The following RNF216 variants were observed in gnomAD, a reference collection of about 807,000 sequenced individuals.
RNF216 encodes the protein E3 ubiquitin-protein ligase RNF216.
A neutral mutation model predicts 110.8 loss-of-function variants in RNF216; 72 were observed. That is an observed-to-expected ratio of 0.65 (90% confidence interval 0.54 to 0.79). The LOEUF is 0.79. Ranked by LOEUF, RNF216 falls within the 30% of genes least tolerant of loss-of-function variation. RNF216 has a pLI of 0.00. For missense variants in RNF216, 1,342 were observed against 1,141.2 expected (o/e 1.18, Z -2.54); for synonymous variants, 495 against 407.5 (o/e 1.21, Z -2.59).
Position 5,680,944 on chromosome 7 carries a change from G to T in RNF216, c.2062-28434C>A, listed in dbSNP as rs1260930800. Among the ~76,000 whole-genome samples, 1 of 152,080 alleles carries T rather than the reference G, an allele frequency of 6.6e-6. No homozygotes were observed. Among genetic ancestry groups the T allele is most frequent in the Admixed American group, 6.5e-5 (1 of 15,276 alleles). On this transcript the variant is annotated intron_variant, in intron 13 of 16. Coordinates refer to ENST00000389902, the MANE Select transcript of RNF216 (RefSeq NM_207111.4). The surrounding 1 kb of genome is among the most constrained non-coding windows in gnomAD (Gnocchi z 4.3). ...CTATCTGGGTCCAAAACCCAGCCTAGATCCCCTCTGGCTGGGCCATGGCGG... is the reference window on the plus strand; with the variant it reads ...CTATCTGGGTCCAAAACCCAGCCTATATCCCCTCTGGCTGGGCCATGGCGG...
chr7:5,670,318 T>C (rs1039688674), intron 13 of RNF216, among the ~76,000 whole-genome samples: 1 of 152,162 alleles, frequency 6.6e-6, no homozygotes, highest in Non-Finnish European at 1.5e-5. Flanking sequence ...AGATGACACA[T>C]GCCTGACCAC....
chr7:5,756,800 T>G (rs1489580053), intron 2 of RNF216, among the ~76,000 whole-genome samples: 1 of 152,076 alleles, frequency 6.6e-6, no homozygotes, highest in Non-Finnish European at 1.5e-5. Flanking sequence ...GCTAAATTTT[T>G]TATATTTAAT....
At chr7:5,669,099 G>C (rs761349870) in intron 13 of RNF216, among the ~76,000 whole-genome samples, 4 of 152,176 alleles carry the variant, frequency 2.6e-5, no homozygotes, top group Non-Finnish European at 5.9e-5. Context: ...CCCCTTGGTG[G>C]AAACTATCCC....
chr7:5,665,151 GA>G (rs1789426101), intron 13 of RNF216, among the ~76,000 whole-genome samples: 1 of 152,132 alleles, frequency 6.6e-6, no homozygotes, highest in South Asian at 2.1e-4. Context: ...GTAATGATCT[GA>G]TTATGTCACA....
chr7:5,750,728 C>G lies in RNF216; in HGVS notation c.201+2118G>C, dbSNP rs193247281. On this transcript the variant is annotated intron_variant, in intron 3 of 16. Coordinates refer to ENST00000389902, the MANE Select transcript of RNF216 (RefSeq NM_207111.4). ...AAACCACATTGGAGCAAGACTCCCC[C>G]TCATAAATGTGAGACTCTTACTCTC... Among the ~76,000 whole-genome samples the G allele has an allele frequency of 3.6e-3, 541 of 152,334 alleles. 3 individuals are homozygous for G. The highest frequency in any genetic ancestry group is 4.5e-3 in the Non-Finnish European group (309 of 68,034).
At position 5,741,201 on chromosome 7, in the gene RNF216, G is replaced by A. The variant is rs75148631; in HGVS notation, c.816C>T (p.Pro272=). 2.8e-3 allele frequency: 4,465 copies of A among 1,614,076 alleles called. 82 individuals carry two copies. The African/African-American group carries it at 0.051, about 18-fold the overall frequency. ...GCTGGGGTTCCGGCCTTGGAAAAGC[G>A]GGCCCTGGGAATTCATGCTGAAACA... ...RLLFQHEFPG[P]AFPRPEPQQG... Residue 272 remains proline (P), a synonymous_variant, in exon 4 of 17, where the codon CCC becomes CCT. Transcript: ENST00000389902.
intron 13 of RNF216, among the ~76,000 whole-genome samples, chr7:5,697,197 AT>A (rs1791684513): frequency 6.7e-6 from 1 of 149,398 alleles, no homozygotes; most frequent in African/African-American, 2.6e-5. Flanking sequence ...ATCTCCGCCA[AT>A]AAGACCCCAC....
chr7:5,741,057 A>G lies in RNF216; in HGVS notation c.960T>C (p.Ser320=). 1 of 1,614,012 alleles carries G rather than the reference A, an allele frequency of 6.2e-7. No homozygotes were observed. Among genetic ancestry groups the G allele is most frequent in the Non-Finnish European group, 8.5e-7 (1 of 1,180,012 alleles). The change falls in exon 4 of 17, where the codon TCT becomes TCC. Residue 320 remains serine (S), a synonymous_variant. Transcript: ENST00000389902. ...AAATGTTTTCCAAATTGGGCTCTTG[A>G]GATTCTTGCATTGGAAAGGCTGGAC... is the stretch of plus-strand genomic sequence containing the variant. ...EPGPAFPMQE[S]QEPNLENIWG...
chr7:5,759,052 C>T (rs1435116243), intron 2 of RNF216, among the ~76,000 whole-genome samples: 1 of 152,088 alleles, frequency 6.6e-6, no homozygotes, highest in African/African-American at 2.4e-5. Context: ...TGATTTAGCA[C>T]AATCCGTTCT....
chr7:5,653,456 C>G (rs1280408539), intron 13 of RNF216, among the ~76,000 whole-genome samples: 4 of 151,624 alleles, frequency 2.6e-5, no homozygotes, highest in African/African-American at 9.7e-5. Flanking sequence ...AAAAAATTAG[C>G]TGGGCGTGGT....
intron 13 of RNF216, among the ~76,000 whole-genome samples, chr7:5,684,210 C>T (rs1446567795): frequency 1.4e-5 from 2 of 146,984 alleles, no homozygotes; most frequent in Non-Finnish European, 3.0e-5. Context: ...TCACGCCATT[C>T]TCCCACCTCA....
intron 13 of RNF216, among the ~76,000 whole-genome samples, chr7:5,654,331 G>T (rs1197842408): frequency 3.9e-5 from 6 of 151,992 alleles, no homozygotes; most frequent in Non-Finnish European, 8.8e-5. Flanking sequence ...GAGAAAAATG[G>T]AACAGAATGC....
intron 1 of RNF216, among the ~76,000 whole-genome samples, chr7:5,771,712 TC>T (rs1181944602): frequency 6.6e-6 from 1 of 151,944 alleles, no homozygotes; most frequent in Non-Finnish European, 1.5e-5. Flanking sequence ...TGGGAAGATC[TC>T]TTGAGCTCGA....
chr7:5,630,285 G>A (rs1392828275), intron 15 of RNF216, among the ~76,000 whole-genome samples: 1 of 152,132 alleles, frequency 6.6e-6, no homozygotes, highest in African/African-American at 2.4e-5. Flanking sequence ...TGGGGCTCCA[G>A]ACCTGGCTTG....
chr7:5,663,012 A>G (rs1789250900), intron 13 of RNF216, among the ~76,000 whole-genome samples: 1 of 152,108 alleles, frequency 6.6e-6, no homozygotes, highest in Non-Finnish European at 1.5e-5. Context: ...TTGCCTAAGA[A>G]TATCTCTTCT....
chr7:5,687,293 G>A (rs565989295), intron 13 of RNF216, among the ~76,000 whole-genome samples: 145 of 151,164 alleles, frequency 9.6e-4, no homozygotes, highest in Non-Finnish European at 1.8e-3. Flanking sequence ...CTACTTGGGA[G>A]GCTGAGGAGG....
intron 3 of RNF216, among the ~76,000 whole-genome samples, chr7:5,747,825 C>A (rs906748271): frequency 6.0e-5 from 9 of 148,908 alleles, no homozygotes; most frequent in African/African-American, 2.2e-4. Flanking sequence ...AGGTCCCAGG[C>A]TGAAGTATAG....
intron 2 of RNF216, among the ~76,000 whole-genome samples, chr7:5,754,529 C>G (rs114788435): frequency 4.0e-4 from 61 of 152,022 alleles, no homozygotes; most frequent in African/African-American, 1.4e-3. Flanking sequence ...AGAAGACACA[C>G]GCTATGGGGG....
Position 5,641,263 on chromosome 7 carries a change from T to C in RNF216, c.2273A>G (p.Tyr758Cys). Reference protein sequence around the residue: ...MSCRCGAQMCYLCRVSINGYD... With the variant: ...MSCRCGAQMCCLCRVSINGYD... ...TCCATTAATAGAAACTCGACAGAGG[T>C]AGCACATCTGGGCACCACAGCGGCA... is the stretch of plus-strand genomic sequence containing the variant. The change falls in exon 15 of 17, where the codon TAC becomes TGC. Residue 758 changes from tyrosine (Y) to cysteine (C), a missense_variant. Physicochemically the swap from Tyr to Cys is radical, Grantham distance 194. Coordinates refer to ENST00000389902, the MANE Select transcript of RNF216 (RefSeq NM_207111.4). 1 of 1,614,086 alleles carries C rather than the reference T, an allele frequency of 6.2e-7. No individual in the cohort carries two copies. Among genetic ancestry groups the C allele is most frequent in the Non-Finnish European group, 8.5e-7 (1 of 1,180,006 alleles).
Sources: allele counts gnomAD v4.1 joint callset (sites outside exome capture counted in the v4.1 genomes callset), GRCh38; gene constraint gnomAD v4.1.1; non-coding constraint Gnocchi (gnomAD v3.1); transcripts MANE v1.5; gene names NCBI Gene and HGNC (gene_info 2026-07-23, HGNC 2026-07-21).